Variants in SIL1 observed in about 807,000 individuals in gnomAD.
The protein encoded by SIL1 is nucleotide exchange factor SIL1.
A neutral mutation model predicts 49.1 loss-of-function variants in SIL1; 40 were observed. The observed-to-expected ratio is 0.81, with a 90% CI of 0.63 to 1.06. The LOEUF is 1.06. Ranked by LOEUF, SIL1 falls within the 50% of genes least tolerant of loss-of-function variation. The pLI, the probability that SIL1 is intolerant of heterozygous loss-of-function variation, is 0.00. For synonymous variants in SIL1, 253 were observed against 250.8 expected, an observed-to-expected ratio of 1.01 and a Z score of -0.08; for missense variants, 500 against 572.6, an observed-to-expected ratio of 0.87 and a Z score of 1.29.
intron 7 of SIL1, among the ~76,000 whole-genome samples, chr5:139,001,508 A>C (rs1767982769): frequency 6.6e-6 from 1 of 152,258 alleles, no homozygotes. Flanking sequence ...TAAGCTGTAC[A>C]CGGAGCTACA....
chr5:139,046,450 A>G lies in SIL1; in HGVS notation c.354-3731T>C, dbSNP rs533373884. Among the ~76,000 whole-genome samples, 11 of 152,144 alleles carry G rather than the reference A, an allele frequency of 7.2e-5. No individual in the cohort carries two copies. In the East Asian group the frequency reaches 1.7e-3, roughly 24 times the overall value. ...ACATACCTCTCCAATCTCATCTCCT[A>G]TCGATTTCCTTCCTTCTCTCTTCTC... On this transcript the variant is annotated intron_variant, in intron 4 of 9. Coordinates refer to ENST00000394817, the MANE Select transcript of SIL1 (RefSeq NM_022464.5).
At position 138,947,231 on chromosome 5, in the gene SIL1, G is replaced by A; in HGVS notation, c.1272C>T (p.Ser424=). 6.2e-7 allele frequency: 1 copy of A among 1,613,116 alleles called. No individual in the cohort carries two copies. The highest frequency in any genetic ancestry group is 8.5e-7 in the Non-Finnish European group (1 of 1,179,924). Reference sequence around the variant, plus strand: ...CCAGCACCTGGTACTCAGCCTGCAGGCTGGCCAGTGTCCTGCCGAGCTGGG... The same window carrying A: ...CCAGCACCTGGTACTCAGCCTGCAGACTGGCCAGTGTCCTGCCGAGCTGGG... ...QDPQLGRTLA[S]LQAEYQVLAS... The change falls in exon 10 of 10, where the codon AGC becomes AGT. Residue 424 remains serine (S), a synonymous_variant. Transcript: ENST00000394817. This position sits in a 1 kb window ranked among gnomAD's most constrained non-coding sequence, Gnocchi z 4.1.
At chr5:139,183,788 A>AT (rs1273165980) in intron 1 of SIL1, among the ~76,000 whole-genome samples, 2 of 152,214 alleles carry the variant, frequency 1.3e-5, no homozygotes, top group African/African-American at 4.8e-5. Flanking sequence ...GCCAAGCCAC[A>AT]TGCTGTCAGG....
intron 1 of SIL1, among the ~76,000 whole-genome samples, chr5:139,185,764 T>C (rs1432289786): frequency 6.6e-6 from 1 of 152,158 alleles, no homozygotes; most frequent in African/African-American, 2.4e-5. Context: ...GATGGGGATA[T>C]CATTTGTGGC....
At chr5:139,003,230 A>T (rs1474693858) in intron 7 of SIL1, among the ~76,000 whole-genome samples, 7 of 151,960 alleles carry the variant, frequency 4.6e-5, no homozygotes. Context: ...CCACCCCCCA[A>T]CTCCCAAACT....
chr5:139,092,121 C>A (rs1770354834), intron 3 of SIL1, among the ~76,000 whole-genome samples: 1 of 152,124 alleles, frequency 6.6e-6, no homozygotes, highest in Non-Finnish European at 1.5e-5. Flanking sequence ...GGAGGGGAAA[C>A]CCCTGGCAGG....
intron 3 of SIL1, among the ~76,000 whole-genome samples, chr5:139,089,652 A>G (rs373058513): frequency 6.6e-6 from 1 of 152,256 alleles, no homozygotes; most frequent in African/African-American, 2.4e-5. Flanking sequence ...TACATGCTAC[A>G]TCATGGGTGA....
At chr5:138,959,819 T>A (rs1218297158) in intron 7 of SIL1, among the ~76,000 whole-genome samples, 1 of 152,236 alleles carries the variant, frequency 6.6e-6, no homozygotes, top group Non-Finnish European at 1.5e-5. Context: ...CCAGGGCCAC[T>A]CTGCCCCTAA....
chr5:138,971,505 A>C (rs1767268764), intron 7 of SIL1, among the ~76,000 whole-genome samples: 1 of 152,070 alleles, frequency 6.6e-6, no homozygotes, highest in African/African-American at 2.4e-5. Flanking sequence ...CCAGCAGCCA[A>C]CTCTTTGCAG....
At chr5:139,110,769 T>C (rs528341907) in intron 3 of SIL1, among the ~76,000 whole-genome samples, 28 of 152,290 alleles carry the variant, frequency 1.8e-4, no homozygotes, top group Middle Eastern at 3.4e-3. Context: ...AAGAGTTCCC[T>C]TGATGTTCCC....
intron 5 of SIL1, among the ~76,000 whole-genome samples, chr5:139,036,808 C>G (rs2150441365): frequency 6.6e-6 from 1 of 152,066 alleles, no homozygotes; most frequent in East Asian, 1.9e-4. Context: ...ACAAGTTTAT[C>G]TATATAACAA....
chr5:139,100,490 A>G (rs1323380683), intron 3 of SIL1, among the ~76,000 whole-genome samples: 1 of 152,228 alleles, frequency 6.6e-6, no homozygotes, highest in Admixed American at 6.5e-5. Flanking sequence ...TTATGTGAGA[A>G]GGAACACCAG....
At chr5:139,080,357 G>A (rs1581084542) in intron 3 of SIL1, among the ~76,000 whole-genome samples, 1 of 152,210 alleles carries the variant, frequency 6.6e-6, no homozygotes, top group African/African-American at 2.4e-5. Flanking sequence ...ATTATGCCAA[G>A]TCCTGGCTAG....
At chr5:139,175,998 T>G (rs1315326843) in intron 1 of SIL1, among the ~76,000 whole-genome samples, 1 of 152,108 alleles carries the variant, frequency 6.6e-6, no homozygotes, top group African/African-American at 2.4e-5. Flanking sequence ...CCTGTTTCTC[T>G]TATGACCTTT....
intron 3 of SIL1, among the ~76,000 whole-genome samples, chr5:139,085,145 A>G (rs1770187428): frequency 6.6e-6 from 1 of 152,210 alleles, no homozygotes; most frequent in Admixed American, 6.5e-5. Flanking sequence ...GAAGGAGAGA[A>G]GAGAAAAAGC....
At chr5:139,140,708 G>C (rs1751063263) in intron 1 of SIL1, among the ~76,000 whole-genome samples, 1 of 152,284 alleles carries the variant, frequency 6.6e-6, no homozygotes, top group African/African-American at 2.4e-5. Context: ...GTAGGAAGCT[G>C]GGTAGGTAGC....
At chr5:139,111,621 C>T (rs551135107) in intron 3 of SIL1, among the ~76,000 whole-genome samples, 1 of 152,200 alleles carries the variant, frequency 6.6e-6, no homozygotes, top group South Asian at 2.1e-4. Context: ...CACTATACTT[C>T]CAGGAGTTCA....
intron 7 of SIL1, among the ~76,000 whole-genome samples, chr5:139,001,180 G>C (rs2150411720): frequency 6.6e-6 from 1 of 152,208 alleles, no homozygotes; most frequent in African/African-American, 2.4e-5. Flanking sequence ...GCAAAAAATA[G>C]AAACTCTAAT....
intron 7 of SIL1, among the ~76,000 whole-genome samples, chr5:138,957,414 T>TA (rs58144526): frequency 0.16 from 14,845 of 91,352 alleles, 2,015 homozygotes; most frequent in African/African-American, 0.4. Context: ...TCTGCAAAAG[T>TA]AAAAAAAAAA....
Sources: gnomAD v4.1 joint callset for allele counts (sites outside exome capture counted in the v4.1 genomes callset) on GRCh38, gnomAD v4.1.1 for gene constraint, Gnocchi (gnomAD v3.1) non-coding constraint, MANE v1.5 for transcripts, NCBI Gene and HGNC (gene_info 2026-07-23, HGNC 2026-07-21) for gene names.